The following NXPE2 variants were observed in gnomAD, a reference collection of about 807,000 sequenced individuals.
NXPE2 encodes the protein NXPE family member 2.
Under a neutral mutation model 34.4 loss-of-function variants are expected in NXPE2, and 34 were observed. That is an observed-to-expected ratio of 0.99 (90% CI 0.75 to 1.31). NXPE2 has a LOEUF of 1.31. Ranked by LOEUF, NXPE2 falls within the 40% of genes most tolerant of loss-of-function variation. The pLI, the probability that NXPE2 is intolerant of heterozygous loss-of-function variation, is 0.00. For missense variants in NXPE2, 649 were observed against 672.5 expected (o/e 0.97, Z 0.39); for synonymous variants, 235 against 231.3 (o/e 1.02, Z -0.15).
intron 3 of NXPE2, among the ~76,000 whole-genome samples, chr11:114,699,433 C>T (rs1054349538): frequency 4.6e-5 from 7 of 152,192 alleles, no homozygotes; most frequent in African/African-American, 9.7e-5. Flanking sequence ...GATGACCCCA[C>T]GGCTCTAAAG....
the NXPE2 span, among the ~76,000 whole-genome samples, chr11:114,806,589 G>C: frequency 2.3e-3 from 344 of 152,280 alleles, 8 homozygotes; most frequent in East Asian, 0.061. Context: ...TGGAAGAAAG[G>C]GTATCAGTGA....
the NXPE2 span, among the ~76,000 whole-genome samples, chr11:114,514,987 G>T: frequency 6.6e-6 from 1 of 151,900 alleles, no homozygotes; most frequent in South Asian, 2.1e-4. Flanking sequence ...ATCTTCACCT[G>T]TCCTTCACCA....
the NXPE2 span, among the ~76,000 whole-genome samples, chr11:114,719,100 A>C: frequency 6.6e-6 from 1 of 152,150 alleles, no homozygotes; most frequent in Admixed American, 6.5e-5. Flanking sequence ...TTGTATTATT[A>C]GTTTCAGTTC....
At chr11:114,479,901 A>G in the NXPE2 span, among the ~76,000 whole-genome samples, 3 of 152,212 alleles carry the variant, frequency 2.0e-5, no homozygotes, top group African/African-American at 7.2e-5. Flanking sequence ...CGAGGGGGTC[A>G]GGAAGCTTAT....
At chr11:114,756,120 C>G in the NXPE2 span, among the ~76,000 whole-genome samples, 3 of 152,188 alleles carry the variant, frequency 2.0e-5, no homozygotes, top group Non-Finnish European at 4.4e-5. Flanking sequence ...TTACCTCTTT[C>G]TTCCTGGGCC....
the NXPE2 span, among the ~76,000 whole-genome samples, chr11:114,568,783 C>T: frequency 0.21 from 31,645 of 152,032 alleles, 4,362 homozygotes; most frequent in African/African-American, 0.38. Context: ...ACCACCATGC[C>T]GTTACCCTAT....
the NXPE2 span, among the ~76,000 whole-genome samples, chr11:114,742,330 C>A: frequency 6.6e-6 from 1 of 152,082 alleles, no homozygotes; most frequent in Non-Finnish European, 1.5e-5. Flanking sequence ...CTGATGGAGT[C>A]CATGGAATGG....
At chr11:114,722,724 C>T in the NXPE2 span, among the ~76,000 whole-genome samples, 3 of 152,164 alleles carry the variant, frequency 2.0e-5, no homozygotes, top group Non-Finnish European at 4.4e-5. Context: ...CTATCCTGTA[C>T]ACTGTTTTTG....
At chr11:114,588,870 A>G in the NXPE2 span, among the ~76,000 whole-genome samples, 1 of 152,180 alleles carries the variant, frequency 6.6e-6, no homozygotes, top group East Asian at 1.9e-4. Context: ...AGTTTATTAC[A>G]CAGGCAGCTC....
intron 2 of NXPE2, among the ~76,000 whole-genome samples, chr11:114,695,767 C>T (rs533131694): frequency 4.0e-5 from 6 of 151,294 alleles, no homozygotes; most frequent in Middle Eastern, 3.4e-3. Context: ...CCAAGGCAGG[C>T]GGATCACGAA....
the NXPE2 span, among the ~76,000 whole-genome samples, chr11:114,648,279 T>A: frequency 6.6e-6 from 1 of 152,038 alleles, no homozygotes; most frequent in Non-Finnish European, 1.5e-5. Flanking sequence ...GGAGAGCCAA[T>A]GGTGTAGGTT....
chr11:114,699,051 T>C (rs1339501141), intron 3 of NXPE2, among the ~76,000 whole-genome samples: 1 of 152,176 alleles, frequency 6.6e-6, no homozygotes, highest in Non-Finnish European at 1.5e-5. Context: ...CAGTAATTTT[T>C]TATAGACCAG....
the NXPE2 span, among the ~76,000 whole-genome samples, chr11:114,490,148 A>C: frequency 1.3e-5 from 2 of 152,250 alleles, no homozygotes; most frequent in African/African-American, 4.8e-5. Flanking sequence ...CCAACTTACA[A>C]GGGACGTGAA....
At chr11:114,538,833 G>A in the NXPE2 span, among the ~76,000 whole-genome samples, 3 of 152,162 alleles carry the variant, frequency 2.0e-5, no homozygotes, top group Non-Finnish European at 2.9e-5. Flanking sequence ...TACATTGTTG[G>A]TGGGACTGTA....
At chr11:114,554,681 T>G in the NXPE2 span, among the ~76,000 whole-genome samples, 2 of 152,234 alleles carry the variant, frequency 1.3e-5, no homozygotes, top group South Asian at 4.1e-4. Flanking sequence ...GATTCTTTAT[T>G]AACAGTACTG....
the NXPE2 span, among the ~76,000 whole-genome samples, chr11:114,577,299 A>G: frequency 5.8e-3 from 878 of 151,764 alleles, 9 homozygotes; most frequent in African/African-American, 0.02. Context: ...TAACTCAGGA[A>G]TGGAAAACCA....
chr11:114,554,272 C>T, the NXPE2 span: 2 of 976,290 alleles, frequency 2.0e-6, no homozygotes, highest in East Asian at 1.1e-4. Context: ...GGCCAGGACA[C>T]TGAGTTCTCT....
chr11:114,632,779 T>A, the NXPE2 span, among the ~76,000 whole-genome samples: 2 of 1,760 alleles, frequency 1.1e-3, no homozygotes, highest in Admixed American at 0.013. Flanking sequence ...TAATTATATA[T>A]TATATATTAT....
At chr11:114,679,569 G>T (rs1389423612) in intron 1 of NXPE2, 88 bp from the exon 2 acceptor site, 7 of 706,562 alleles carry the variant, frequency 9.9e-6, no homozygotes, top group East Asian at 8.5e-5. Flanking sequence ...ACCTTGTTCT[G>T]GAAATTACTG....
Sources: allele counts gnomAD v4.1 joint callset (sites outside exome capture counted in the v4.1 genomes callset), GRCh38; gene constraint gnomAD v4.1.1; transcripts MANE v1.5; gene names NCBI Gene and HGNC (gene_info 2026-07-23, HGNC 2026-07-21).